TIMP1: variants seen among roughly 807,000 people sequenced by gnomAD.
The protein encoded by TIMP1 is TIMP metallopeptidase inhibitor 1, also known as metalloproteinase inhibitor 1.
A neutral mutation model predicts 13.7 loss-of-function variants in TIMP1; 5 were observed. The ratio of observed to expected loss-of-function variants is 0.36; its 90% CI spans 0.19 to 0.76. The LOEUF is 0.76. TIMP1 is among the 30% of genes least tolerant of loss of function. The probability of loss-of-function intolerance (pLI) is 0.51; values close to 1 mark genes in which losing one functional copy is unlikely to be tolerated. For missense variants in TIMP1, 131 were observed against 168.4 expected (o/e 0.78, Z 1.23); for synonymous variants, 63 against 67.1 (o/e 0.94, Z 0.30).
chrX:47,586,457 G>A, intron 5 of TIMP1, 64 bp from the exon 6 acceptor site: 5 of 1,176,676 alleles, frequency 4.2e-6, no homozygotes, highest in Non-Finnish European at 5.7e-6. Flanking sequence ...CTGAGGAGAG[G>A]AAGTTCTGCT....
chrX:47,585,352 C>T, intron 4 of TIMP1, 21 bp downstream of exon 4: 3 of 1,211,292 alleles, frequency 2.5e-6, no homozygotes, highest in South Asian at 3.5e-5. Flanking sequence ...GTCCCCGCGC[C>T]CTGTGCCACA....
At chrX:47,584,259 T>C (rs909709071) in intron 2 of TIMP1, among the ~76,000 whole-genome samples, 2 of 107,482 alleles carry the variant, frequency 1.9e-5, no homozygotes, top group African/African-American at 6.8e-5. Context: ...GATGATCAGG[T>C]ATTGAGGATG....
chrX:47,586,042 A>T (rs955034308), intron 5 of TIMP1: 1 of 972,007 alleles, frequency 1.0e-6, no homozygotes, highest in African/African-American at 2.0e-5. Flanking sequence ...TCCTCAGCAC[A>T]TCTGCTTGTT....
At chrX:47,585,885 T>C (rs2057823681) in intron 5 of TIMP1, 1 of 1,135,034 alleles carries the variant, frequency 8.8e-7, no homozygotes, top group Admixed American at 2.6e-5. Context: ...TACCGTGTGA[T>C]CACCTGTCCC....
In TIMP1 at chrX:47,583,402, C is replaced by G. The variant is rs779405468; in HGVS notation, c.-8-6C>G. ...GGGGCCTGCCTGACATCCCCCTTCC[C>G]CACAGAACCCACCATGGCCCCCTTT... On this transcript the variant is annotated splice_region_variant and splice_polypyrimidine_tract_variant and intron_variant, in intron 1 of 5. Coordinates refer to ENST00000218388, the MANE Select transcript of TIMP1 (RefSeq NM_003254.3). 1 of 1,194,510 alleles carries G rather than the reference C, an allele frequency of 8.4e-7. No homozygotes were observed. Among genetic ancestry groups the G allele is most frequent in the Non-Finnish European group, 1.1e-6 (1 of 887,662 alleles).
rs1027914496 is a variant in TIMP1, at chrX:47,586,423, T to A, written c.454-98T>A. The A allele has an allele frequency of 1.8e-5, 20 of 1,129,581 alleles. No individual in the cohort carries two copies. The East Asian group carries it at 2.4e-4, about 14-fold the overall frequency. The allele number at this position is 1,129,581 out of a possible 1,213,427, so 93.1% of individuals were successfully genotyped here. A position where few individuals can be genotyped will look rare whatever the true frequency, so the allele number is the denominator to read the frequency against. ...TACTTAGGTGGGGTGAGAGCAAGTCTCCCCAGCGGCTCAGTGTTGAAAGCT... is the reference window on the plus strand; with the variant it reads ...TACTTAGGTGGGGTGAGAGCAAGTCACCCCAGCGGCTCAGTGTTGAAAGCT... On this transcript the variant is annotated intron_variant, in intron 5 of 5. Coordinates refer to ENST00000218388, the MANE Select transcript of TIMP1 (RefSeq NM_003254.3).
intron 3 of TIMP1, 65 bp from the exon 4 acceptor site, chrX:47,585,140 A>G: frequency 8.6e-7 from 1 of 1,167,026 alleles, no homozygotes; most frequent in Admixed American, 2.4e-5. Context: ...ATATGACTTC[A>G]GGGAAGAACC....
At chrX:47,586,460 G>A in intron 5 of TIMP1, 61 bp from the exon 6 acceptor site, 1 of 1,180,476 alleles carries the variant, frequency 8.5e-7, no homozygotes, top group Non-Finnish European at 1.1e-6. Flanking sequence ...AGGAGAGGAA[G>A]TTCTGCTCCA....
intron 2 of TIMP1, 97 bp from the exon 3 acceptor site, chrX:47,584,839 G>A (rs746676312): frequency 4.2e-6 from 3 of 721,562 alleles, no homozygotes; most frequent in Non-Finnish European, 6.3e-6. Context: ...CCCTATTTAT[G>A]TATGCGCTTT....
chrX:47,584,960 C>G lies in TIMP1; in HGVS notation c.146C>G (p.Thr49Arg). 1 of 1,211,341 alleles carries G rather than the reference C, an allele frequency of 8.3e-7. No individual in the cohort carries two copies. Among genetic ancestry groups the G allele is most frequent in the African/African-American group, 1.7e-5 (1 of 57,690 alleles). ...GTCATCAGGGCCAAGTTCGTGGGGA[C>G]ACCAGAAGTCAACCAGACCACCTTA... ...DLVIRAKFVG[T>R]PEVNQTTLYQ... is the part of the protein sequence containing the mutation. The change falls in exon 3 of 6, where the codon ACA becomes AGA. Residue 49 changes from threonine to arginine, a missense_variant. Transcript: ENST00000218388.
chrX:47,585,801 ATC>A, intron 5 of TIMP1, 134 bp downstream of exon 5: 2 of 1,155,280 alleles, frequency 1.7e-6, no homozygotes, highest in South Asian at 1.9e-5. Flanking sequence ...GCTGTCCCTG[ATC>A]TCTCTTGCTA....
Position 47,586,770 on chromosome X carries a change from TAA to T in TIMP1, c.*81_*82del. 1.8e-6 allele frequency: 2 copies of T among 1,103,484 alleles called. No individual in the cohort carries two copies. The highest frequency in any genetic ancestry group is 1.2e-6 in the Non-Finnish European group (1 of 823,986). 90.9% of individuals were successfully genotyped at this position (1,103,484 alleles called of 1,213,427 possible). A position where few individuals can be genotyped will look rare whatever the true frequency, so the allele number is the denominator to read the frequency against. ...CCCATCTTTCTTCCGGACAATGAAATAAAGAGTTACCACCCAGCAGACACTGT... is the reference window on the plus strand; with the variant it reads ...CCCATCTTTCTTCCGGACAATGAAATAGAGTTACCACCCAGCAGACACTGT... On this transcript the variant is annotated 3_prime_UTR_variant, in exon 6 of 6. Coordinates refer to ENST00000218388, the MANE Select transcript of TIMP1 (RefSeq NM_003254.3).
At chrX:47,585,693 A>C (rs761918632) in intron 5 of TIMP1, 26 bp downstream of exon 5, 1 of 1,205,606 alleles carries the variant, frequency 8.3e-7, no homozygotes, top group Admixed American at 2.2e-5. Flanking sequence ...CTGACCTCCA[A>C]CGGGAGATCC....
chrX:47,583,430 G>T lies in TIMP1; in HGVS notation c.15G>T (p.Glu5Asp). 1 of 1,205,542 alleles carries T rather than the reference G, an allele frequency of 8.3e-7. No individual in the cohort carries two copies. ...CAGAACCCACCATGGCCCCCTTTGA[G>T]CCCCTGGCTTCTGGCATCCTGTTGT... is the stretch of plus-strand genomic sequence containing the variant. MAPF[E>D]PLASGILLLL... Residue 5 changes from glutamate (E) to aspartate (D), a missense_variant, in exon 2 of 6, where the codon GAG (glutamate) becomes GAT (aspartate). Glu to Asp is a conservative substitution (Grantham distance 45). Transcript: ENST00000218388.
At position 47,585,265 on chromosome X, in the gene TIMP1, G is replaced by A. The variant is rs1476457782; in HGVS notation, c.262G>A (p.Ala88Thr). ...AADIRFVYTP[A>T]MESVCGYFHR... ...TGACATCCGGTTCGTCTACACCCCC[G>A]CCATGGAGAGTGTCTGCGGATACTT... Residue 88 changes from alanine (A) to threonine (T), a missense_variant, in exon 4 of 6, where the codon GCC (alanine) becomes ACC (threonine). By Grantham distance (58) the Ala-to-Thr change is moderately conservative (BLOSUM62 0). Transcript: ENST00000218388. 1.7e-6 allele frequency: 2 copies of A among 1,207,841 alleles called. No homozygotes were observed. The highest frequency in any genetic ancestry group is 4.4e-5 in the Admixed American group (2 of 45,647).
chrX:47,584,787 A>G (rs1039191198), intron 2 of TIMP1, 149 bp from the exon 3 acceptor site: 20 of 483,355 alleles, frequency 4.1e-5, no homozygotes, highest in Admixed American at 1.4e-4. Flanking sequence ...ATCAATGAAC[A>G]AATGTGTAAA....
In TIMP1 at chrX:47,586,541, C is replaced by T. The variant is rs11551797; in HGVS notation, c.474C>T (p.Ile158=). The stretch of plus-strand genomic sequence containing the variant: ...TCCAGGTGTTTCCCTGTTTATCCAT[C>T]CCCTGCAAACTGCAGAGTGGCACTC... ...EECTVFPCLS[I]PCKLQSGTHC... is the part of the protein sequence containing the mutation. The change falls in exon 6 of 6, where the codon ATC becomes ATT. Residue 158 remains isoleucine, a synonymous_variant. Coordinates refer to ENST00000218388, the MANE Select transcript of TIMP1 (RefSeq NM_003254.3). 32,754 of 1,210,261 alleles carry T rather than the reference C, an allele frequency of 0.027. 2,074 individuals carry two copies. Among genetic ancestry groups the T allele is most frequent in the Admixed American group, 0.25 (11,559 of 45,799 alleles).
intron 5 of TIMP1, chrX:47,586,086 G>A: frequency 1.1e-6 from 1 of 946,226 alleles, no homozygotes; most frequent in Non-Finnish European, 1.3e-6. Flanking sequence ...GACACCAGAG[G>A]GTGTTACACT....
At chrX:47,585,426 C>A in intron 4 of TIMP1, 95 bp downstream of exon 4, 1 of 1,195,973 alleles carries the variant, frequency 8.4e-7, no homozygotes, top group Non-Finnish European at 1.1e-6. Context: ...GGGAATGGTC[C>A]CACTGGAAAT....
Sources: allele counts gnomAD v4.1 joint callset (sites outside exome capture counted in the v4.1 genomes callset), GRCh38; gene constraint gnomAD v4.1.1; transcripts MANE v1.5; gene names NCBI Gene and HGNC (gene_info 2026-07-23, HGNC 2026-07-21).